CSDE1: variants seen among roughly 807,000 people sequenced by gnomAD.
CSDE1 encodes the protein cold shock domain-containing protein E1.
In CSDE1, 17 loss-of-function variants were observed where a neutral mutation model predicts 89.3. That is an observed-to-expected ratio of 0.19 (90% CI 0.13 to 0.29). The LOEUF is 0.29. Among genes scored for constraint, CSDE1 ranks in the 10% least tolerant of loss-of-function variants. The pLI is 1.00. For missense variants in CSDE1, 672 were observed against 984.2 expected, an observed-to-expected ratio of 0.68 and a Z score of 4.24; for synonymous variants, 322 against 332.8, an observed-to-expected ratio of 0.97 and a Z score of 0.35.
chr1:114,728,692 T>C (rs960107547), intron 12 of CSDE1, among the ~76,000 whole-genome samples: 2 of 152,232 alleles, frequency 1.3e-5, no homozygotes, highest in African/African-American at 4.8e-5. Flanking sequence ...AACAGTATCA[T>C]CTGTCACATG....
At chr1:114,734,627 G>A in intron 6 of CSDE1, 104 bp from the exon 7 acceptor site, 1 of 777,650 alleles carries the variant, frequency 1.3e-6, no homozygotes. Flanking sequence ...GGGGCTTTAA[G>A]AATTCTATCA....
At chr1:114,726,600 T>C (rs984788003) in intron 13 of CSDE1, among the ~76,000 whole-genome samples, 1 of 152,256 alleles carries the variant, frequency 6.6e-6, no homozygotes, top group East Asian at 1.9e-4. Flanking sequence ...GTATTCCTTA[T>C]AGATTCTGAA....
At chr1:114,748,564 T>G (rs1661137596) in intron 2 of CSDE1, 1 of 152,252 alleles carries the variant, frequency 6.6e-6, no homozygotes, top group South Asian at 2.1e-4. Flanking sequence ...TTAATATCAG[T>G]AAGTTACTAC....
At position 114,727,019 on chromosome 1, in the gene CSDE1, A is replaced by T; in HGVS notation, c.1428T>A (p.Asp476Glu). The T allele has an allele frequency of 6.2e-7, 1 of 1,613,776 alleles. No individual in the cohort carries two copies. The highest frequency in any genetic ancestry group is 8.5e-7 in the Non-Finnish European group (1 of 1,179,722). ...VKLTIAFQAK[D>E]VEGSTSPQIG... ...TTTGAGGAGAAGTAGATCCTTCCAC[A>T]TCCTTGGCTTGAAAAGCAATAGTCA... The change falls in exon 13 of 20, where the codon GAT becomes GAA. Residue 476 changes from aspartate to glutamate, a missense_variant. Asp to Glu is a conservative substitution (Grantham distance 45). This residue lies in a region of CSDE1 where 108 missense variants were observed against 105.0 expected (regional missense o/e 1.03). Transcript: ENST00000358528.
At chr1:114,741,269 C>A (rs1034463310) in intron 2 of CSDE1, among the ~76,000 whole-genome samples, 7 of 152,082 alleles carry the variant, frequency 4.6e-5, no homozygotes, top group African/African-American at 1.7e-4. Context: ...TAAAATCAGA[C>A]TCAGTAGGTA....
chr1:114,753,808 C>G (rs1304102424), intron 1 of CSDE1, among the ~76,000 whole-genome samples: 1 of 152,002 alleles, frequency 6.6e-6, no homozygotes, highest in African/African-American at 2.4e-5. Context: ...CCCAGCTACT[C>G]GGGAAGCTGA....
At chr1:114,724,041 C>A (rs1331035410) in intron 15 of CSDE1, 39 bp from the exon 16 acceptor site, 1 of 1,596,982 alleles carries the variant, frequency 6.3e-7, no homozygotes, top group African/African-American at 1.3e-5. Context: ...AATTTTATTT[C>A]ATCTCTACTA....
intron 19 of CSDE1, 112 bp from the exon 20 acceptor site, chr1:114,718,328 T>C (rs998850280): frequency 4.0e-6 from 5 of 1,255,566 alleles, no homozygotes; most frequent in African/African-American, 3.0e-5. Flanking sequence ...TTAATCATCT[T>C]ATGCAGTACT....
At chr1:114,738,819 T>C (rs1210925364) in intron 3 of CSDE1, among the ~76,000 whole-genome samples, 2 of 151,726 alleles carry the variant, frequency 1.3e-5, no homozygotes, top group Non-Finnish European at 2.9e-5. Context: ...TACAGGCACA[T>C]GTCACGTTCC....
chr1:114,741,392 AG>A (rs1426334812), intron 2 of CSDE1: 1 of 764,070 alleles, frequency 1.3e-6, no homozygotes, highest in Non-Finnish European at 2.0e-6. Context: ...ATCTTTCAAG[AG>A]TGAAGGTGAA....
chr1:114,756,033 ATG>A (rs1362323086), intron 1 of CSDE1, among the ~76,000 whole-genome samples: 1 of 152,188 alleles, frequency 6.6e-6, no homozygotes, highest in Non-Finnish European at 1.5e-5. Flanking sequence ...GCCCTACACG[ATG>A]TGTCTTCAGG....
chr1:114,735,402 T>G (rs1454145779), intron 6 of CSDE1, among the ~76,000 whole-genome samples: 1 of 152,228 alleles, frequency 6.6e-6, no homozygotes, highest in Non-Finnish European at 1.5e-5. Context: ...TGTAACTTAC[T>G]GCAGTGAAAA....
chr1:114,755,000 A>G (rs568566764), intron 1 of CSDE1, among the ~76,000 whole-genome samples: 95 of 152,368 alleles, frequency 6.2e-4, no homozygotes, highest in Non-Finnish European at 1.2e-3. Flanking sequence ...AATTCTAGTA[A>G]CCATATTACA....
chr1:114,742,374 G>A (rs1470057675), intron 2 of CSDE1, among the ~76,000 whole-genome samples: 1 of 152,180 alleles, frequency 6.6e-6, no homozygotes, highest in Non-Finnish European at 1.5e-5. Context: ...ATGAGGTCAG[G>A]AGTTTGGGAC....
At chr1:114,757,247 T>A (rs1661651341) in intron 1 of CSDE1, among the ~76,000 whole-genome samples, 1 of 152,188 alleles carries the variant, frequency 6.6e-6, no homozygotes, top group South Asian at 2.1e-4. Flanking sequence ...CGATGTCAAT[T>A]CCGCCACACT....
chr1:114,739,965 C>A, intron 2 of CSDE1, 75 bp from the exon 3 acceptor site: 1 of 1,254,396 alleles, frequency 8.0e-7, no homozygotes, highest in South Asian at 1.4e-5. Flanking sequence ...GTTAATAAGT[C>A]ACTAAATCTT....
rs1661213574 is a variant in CSDE1 at position 114,749,820 on chromosome 1, C to T, written c.-1+1G>A. On this transcript the variant is annotated splice_donor_variant, in intron 2 of 19. Coordinates refer to ENST00000358528, the MANE Select transcript of CSDE1 (RefSeq NM_001007553.3). LOFTEE classifies it low-confidence loss of function (5UTR_SPLICE). ...TTCTTAATAGGAAATTACAAACCTA[C>T]CTCGCAGTGATACTCAAATATTGCA... The T allele has an allele frequency of 6.6e-6, 1 of 152,566 alleles. No homozygotes were observed. Among genetic ancestry groups the T allele is most frequent in the Admixed American group, 6.6e-5 (1 of 15,266 alleles). The allele number at this position is 152,566 out of a possible 1,614,324, so 9.5% of individuals were successfully genotyped here.
At chr1:114,730,977 TA>T (rs1375819773) in intron 10 of CSDE1, among the ~76,000 whole-genome samples, 1 of 152,242 alleles carries the variant, frequency 6.6e-6, no homozygotes, top group Non-Finnish European at 1.5e-5. Flanking sequence ...GAAACTTCAC[TA>T]ATTTACAGAC....
chr1:114,754,869 C>G (rs182637453), intron 1 of CSDE1, among the ~76,000 whole-genome samples: 1 of 152,252 alleles, frequency 6.6e-6, no homozygotes, highest in Admixed American at 6.5e-5. Flanking sequence ...TATATACACC[C>G]AGAAACCTAA....
Sources: allele counts gnomAD v4.1 joint callset (sites outside exome capture counted in the v4.1 genomes callset), GRCh38; gene constraint gnomAD v4.1.1; regional missense constraint gnomAD v4.1.1; transcripts MANE v1.5; gene names NCBI Gene and HGNC (gene_info 2026-07-23, HGNC 2026-07-21).